The following PRDM16 variants were observed in gnomAD, a reference collection of about 807,000 sequenced individuals.
PRDM16 encodes the protein PR/SET domain 16.
In PRDM16, 23 loss-of-function variants were observed where a neutral mutation model predicts 110.6. That is an observed-to-expected ratio of 0.21 (90% CI 0.15 to 0.29). The LOEUF is 0.29. PRDM16 is among the 10% of genes least tolerant of loss of function. The pLI, the probability that PRDM16 is intolerant of heterozygous loss-of-function variation, is 1.00. For missense variants in PRDM16, 1,615 were observed against 1,794.3 expected, an observed-to-expected ratio of 0.90 and a Z score of 1.81; for synonymous variants, 799 against 781.8, an observed-to-expected ratio of 1.02 and a Z score of -0.37.
chr1:3,222,892 T>A (rs1639199865), intron 2 of PRDM16, among the ~76,000 whole-genome samples: 1 of 152,098 alleles, frequency 6.6e-6, no homozygotes, highest in African/African-American at 2.4e-5. Context: ...AAGTGTGCAG[T>A]TTGCCCTCAA....
chr1:3,204,931 C>T (rs1007616316), intron 2 of PRDM16, among the ~76,000 whole-genome samples: 10 of 152,116 alleles, frequency 6.6e-5, no homozygotes, highest in African/African-American at 1.9e-4. Flanking sequence ...GTGCTCCGAA[C>T]GGGGAGCTGG....
chr1:3,290,116 A>C lies in PRDM16; in HGVS notation c.438+45979A>C, dbSNP rs1640939140. ...TCCTGAATGAAAACTCACAGAGTGC[A>C]TGTGTCATGCTGATGTGACAAACCC... On this transcript the variant is annotated intron_variant, in intron 3 of 16. Coordinates refer to ENST00000270722, the MANE Select transcript of PRDM16 (RefSeq NM_022114.4). The surrounding 1 kb of genome is among the most constrained non-coding windows in gnomAD (Gnocchi z 4.8). 6.6e-6 allele frequency among the ~76,000 whole-genome samples: 1 copy of C among 152,198 alleles called. No individual in the cohort carries two copies. The highest frequency in any genetic ancestry group is 2.1e-4 in the South Asian group (1 of 4,828).
In PRDM16 at chr1:3,069,517, C is replaced by G. The variant is rs1641691513; in HGVS notation, c.37+221C>G. ...GCCCGGGCCGCGCGCTCCCCGAAGG[C>G]GCCGGCCCCCTCCCCGCGGAACCCC... On this transcript the variant is annotated intron_variant, in intron 1 of 16. Transcript: ENST00000270722. This position sits in a 1 kb window ranked among gnomAD's most constrained non-coding sequence, Gnocchi z 6.1. Among the ~76,000 whole-genome samples, 1 of 147,596 alleles carries G rather than the reference C, an allele frequency of 6.8e-6. No individual in the cohort carries two copies. The highest frequency in any genetic ancestry group is 6.7e-5 in the Admixed American group (1 of 14,988).
At chr1:3,079,717 C>G (rs571869053) in intron 1 of PRDM16, among the ~76,000 whole-genome samples, 5 of 152,214 alleles carry the variant, frequency 3.3e-5, no homozygotes, top group African/African-American at 1.2e-4. Context: ...TGGCCCCTCA[C>G]ATACCCCTTC....
intron 1 of PRDM16, among the ~76,000 whole-genome samples, chr1:3,115,507 G>A (rs547703594): frequency 6.6e-6 from 1 of 152,370 alleles, no homozygotes; most frequent in South Asian, 2.1e-4. Flanking sequence ...ATCAGGCAGT[G>A]GAGCGCCAGC....
Position 3,186,142 on chromosome 1 carries a change from A to T in PRDM16, c.55A>T (p.Asn19Tyr). 4 of 1,612,632 alleles carry T rather than the reference A, an allele frequency of 2.5e-6. No homozygotes were observed. Among genetic ancestry groups the T allele is most frequent in the Non-Finnish European group, 3.4e-6 (4 of 1,179,844 alleles). Residue 19 changes from asparagine (N) to tyrosine (Y), a missense_variant, in exon 2 of 17, where the codon AAT (asparagine) becomes TAT (tyrosine). Coordinates refer to ENST00000270722, the MANE Select transcript of PRDM16 (RefSeq NM_022114.4). ...TCCTTTAGGTGACGGTGACGTTGTA[A>T]ATAATATGTATGAGCCCAACCGGGA... Reference protein sequence around the residue: ...KLAKSDGDVVNNMYEPNRDLL... With the variant: ...KLAKSDGDVVYNMYEPNRDLL...
At position 3,230,911 on chromosome 1, in the gene PRDM16, G is replaced by A. The variant is rs150103098; in HGVS notation, c.388-13176G>A. On this transcript the variant is annotated intron_variant, in intron 2 of 16. Coordinates refer to ENST00000270722, the MANE Select transcript of PRDM16 (RefSeq NM_022114.4). ...TGTTGGGAGCAGGTGTGAGCAAAGG[G>A]AGCAGGGACAGATGAGCCACCTCTG... Among the ~76,000 whole-genome samples, 470 of 152,290 alleles carry A rather than the reference G, an allele frequency of 3.1e-3. 1 individual carries two copies. Among genetic ancestry groups the A allele is most frequent in the Non-Finnish European group, 5.5e-3 (376 of 68,014 alleles).
chr1:3,350,005 G>A lies in PRDM16; in HGVS notation c.439-35147G>A, dbSNP rs1642450864. ...GGAGGAGACAGCAGTCAGAGGCCTG[G>A]ACCTGACTCCTGTCTTTGAGGGGGG... On this transcript the variant is annotated intron_variant, in intron 3 of 16. Transcript: ENST00000270722. The surrounding 1 kb of genome is among the most constrained non-coding windows in gnomAD (Gnocchi z 7.1). 6.6e-6 allele frequency among the ~76,000 whole-genome samples: 1 copy of A among 152,194 alleles called. No homozygotes were observed. Among genetic ancestry groups the A allele is most frequent in the Non-Finnish European group, 1.5e-5 (1 of 68,042 alleles).
chr1:3,227,240 GC>G (rs1426308430), intron 2 of PRDM16, among the ~76,000 whole-genome samples: 11 of 152,252 alleles, frequency 7.2e-5, no homozygotes, highest in African/African-American at 2.7e-4. Flanking sequence ...ACACACCGCA[GC>G]CCCGGTGGCC....
intron 2 of PRDM16, among the ~76,000 whole-genome samples, chr1:3,232,246 C>T (rs1197589694): frequency 2.0e-5 from 3 of 152,252 alleles, no homozygotes; most frequent in Non-Finnish European, 4.4e-5. Flanking sequence ...GCCAAATAAG[C>T]GAATGGCTCG....
intron 2 of PRDM16, among the ~76,000 whole-genome samples, chr1:3,238,672 A>C (rs1173753441): frequency 6.6e-6 from 1 of 152,204 alleles, no homozygotes; most frequent in East Asian, 1.9e-4. Flanking sequence ...GAAGCCGCCC[A>C]GCTTTGCTGG....
At chr1:3,426,278 C>A in intron 14 of PRDM16, 53 bp downstream of exon 14, 1 of 1,511,950 alleles carries the variant, frequency 6.6e-7, no homozygotes. Flanking sequence ...AACAGCCCTG[C>A]GTGGCCACCC....
At chr1:3,113,583 C>A (rs1557455102) in intron 1 of PRDM16, among the ~76,000 whole-genome samples, 1 of 152,174 alleles carries the variant, frequency 6.6e-6, no homozygotes, top group Admixed American at 6.5e-5. Context: ...CTGGCCTTGG[C>A]GTCACTGACA....
intron 3 of PRDM16, among the ~76,000 whole-genome samples, chr1:3,379,580 A>G (rs573680402): frequency 3.3e-4 from 2 of 6,092 alleles, no homozygotes; most frequent in Non-Finnish European, 2.7e-4. Context: ...ACCCCTCCCA[A>G]CACACCCCTC....
intron 1 of PRDM16, among the ~76,000 whole-genome samples, chr1:3,177,461 G>A (rs1569768049): frequency 1.3e-5 from 2 of 152,304 alleles, no homozygotes; most frequent in Admixed American, 6.5e-5. Context: ...GTGTGGCATT[G>A]AGCAAGTTGC....
In PRDM16 at chr1:3,433,931, C is replaced by G. The variant is rs1638842148; in HGVS notation, c.*120C>G. 4 of 997,458 alleles carry G rather than the reference C, an allele frequency of 4.0e-6. No homozygotes were observed. The highest frequency in any genetic ancestry group is 5.8e-6 in the Non-Finnish European group (4 of 688,290). The allele number at this position is 997,458 out of a possible 1,614,324, so 61.8% of individuals were successfully genotyped here. On this transcript the variant is annotated 3_prime_UTR_variant, in exon 17 of 17. Transcript: ENST00000270722. ...TGGCCACTCCTCAGCATCCTCCCCA[C>G]CCACCATGGTTCATTCCGACTTTTC...
At chr1:3,104,030 T>C (rs2100623724) in intron 1 of PRDM16, among the ~76,000 whole-genome samples, 1 of 152,342 alleles carries the variant, frequency 6.6e-6, no homozygotes, top group East Asian at 1.9e-4. Context: ...ACAAACAAAT[T>C]GCCTTCCTCC....
intron 3 of PRDM16, among the ~76,000 whole-genome samples, chr1:3,253,001 C>T (rs1052899275): frequency 5.9e-5 from 9 of 152,084 alleles, no homozygotes; most frequent in Non-Finnish European, 8.8e-5. Context: ...AAACACCAGC[C>T]GCGTGTGCAG....
At chr1:3,216,433 A>G (rs934384393) in intron 2 of PRDM16, among the ~76,000 whole-genome samples, 2 of 152,214 alleles carry the variant, frequency 1.3e-5, no homozygotes, top group Admixed American at 1.3e-4. Flanking sequence ...CCAGGGAAGG[A>G]GAATCCAAGA....
Sources: allele counts gnomAD v4.1 joint callset (sites outside exome capture counted in the v4.1 genomes callset), GRCh38; gene constraint gnomAD v4.1.1; non-coding constraint Gnocchi (gnomAD v3.1); transcripts MANE v1.5; gene names NCBI Gene and HGNC (gene_info 2026-07-23, HGNC 2026-07-21).